ESRRG: variants seen among roughly 807,000 people sequenced by gnomAD.
ESRRG encodes the protein estrogen-related receptor gamma.
A neutral mutation model predicts 44.0 loss-of-function variants in ESRRG; 13 were observed. That is an observed-to-expected ratio of 0.30 (90% CI 0.19 to 0.47). ESRRG has a LOEUF of 0.47. Among genes scored for constraint, ESRRG ranks in the 20% least tolerant of loss-of-function variants. The probability of loss-of-function intolerance (pLI) is 1.00; values close to 1 mark genes in which losing one functional copy is unlikely to be tolerated. For synonymous variants in ESRRG, 215 were observed against 214.6 expected (o/e 1.00, Z -0.02); for missense variants, 395 against 580.6 (o/e 0.68, Z 3.29).
chr1:216,878,123 C>A (rs796892797), intron 2 of ESRRG, among the ~76,000 whole-genome samples: 26 of 152,232 alleles, frequency 1.7e-4, no homozygotes, highest in African/African-American at 5.8e-4. Context: ...TTTATAATAC[C>A]TATTTCTAAT....
At chr1:217,104,456 C>T (rs538217448) in intron 1 of ESRRG, among the ~76,000 whole-genome samples, 22 of 152,342 alleles carry the variant, frequency 1.4e-4, no homozygotes, top group Middle Eastern at 3.4e-3. Context: ...ACTCACCAGC[C>T]GAGTGGCCTT....
chr1:216,904,945 T>G (rs1334341623), intron 2 of ESRRG, among the ~76,000 whole-genome samples: 1 of 152,178 alleles, frequency 6.6e-6, no homozygotes, highest in Admixed American at 6.5e-5. Context: ...CCAGTGCAGA[T>G]AGGGCAGCCT....
chr1:217,084,728 AT>A (rs1202123176), intron 1 of ESRRG, among the ~76,000 whole-genome samples: 3 of 152,180 alleles, frequency 2.0e-5, no homozygotes, highest in Admixed American at 1.3e-4. Context: ...TGTCCAGGTT[AT>A]TTATTTTAGC....
chr1:217,127,098 C>A (rs1010256484), intron 1 of ESRRG, among the ~76,000 whole-genome samples: 1 of 152,068 alleles, frequency 6.6e-6, no homozygotes, highest in African/African-American at 2.4e-5. Flanking sequence ...TGATTTATAT[C>A]CATTTGCTTT....
At chr1:216,899,633 G>T (rs1263999770) in intron 2 of ESRRG, among the ~76,000 whole-genome samples, 1 of 152,180 alleles carries the variant, frequency 6.6e-6, no homozygotes, top group Non-Finnish European at 1.5e-5. Context: ...GGCAGTTATA[G>T]GGGCTCTGCA....
chr1:216,717,309 G>C (rs1377735804), intron 1 of ESRRG, among the ~76,000 whole-genome samples: 1 of 151,860 alleles, frequency 6.6e-6, no homozygotes, highest in African/African-American at 2.4e-5. Flanking sequence ...AGAAAAAGTA[G>C]AGTGGAGAGA....
At chr1:216,783,874 T>G (rs1260150151) in intron 2 of ESRRG, among the ~76,000 whole-genome samples, 1 of 152,084 alleles carries the variant, frequency 6.6e-6, no homozygotes, top group Non-Finnish European at 1.5e-5. Flanking sequence ...CAAAATCTCT[T>G]GCACCCTCTC....
intron 1 of ESRRG, among the ~76,000 whole-genome samples, chr1:217,109,395 A>C (rs1580599013): frequency 6.6e-6 from 1 of 152,114 alleles, no homozygotes; most frequent in East Asian, 1.9e-4. Context: ...AGATCCAGAA[A>C]GCATCTTTAG....
intron 3 of ESRRG, among the ~76,000 whole-genome samples, chr1:216,625,970 GT>G (rs1439702898): frequency 6.6e-6 from 1 of 151,992 alleles, no homozygotes; most frequent in Non-Finnish European, 1.5e-5. Flanking sequence ...CCCTCTGTCT[GT>G]TTTTCTTCCC....
At chr1:216,654,784 G>C (rs565578534) in intron 2 of ESRRG, among the ~76,000 whole-genome samples, 31 of 152,020 alleles carry the variant, frequency 2.0e-4, no homozygotes, top group African/African-American at 7.5e-4. Flanking sequence ...AATCATAAAG[G>C]AAATTATATG....
intron 2 of ESRRG, among the ~76,000 whole-genome samples, chr1:216,887,874 T>C (rs2057244317): frequency 6.6e-6 from 1 of 152,222 alleles, no homozygotes; most frequent in South Asian, 2.1e-4. Flanking sequence ...TTAAAAATGT[T>C]AGTTTTCAGT....
chr1:216,537,405 G>C (rs778060527), intron 5 of ESRRG, among the ~76,000 whole-genome samples: 2 of 151,918 alleles, frequency 1.3e-5, no homozygotes, highest in Non-Finnish European at 2.9e-5. Flanking sequence ...TATTTTTGTC[G>C]TAACAGCCCA....
At chr1:216,775,840 C>T (rs2093593456) in intron 2 of ESRRG, among the ~76,000 whole-genome samples, 1 of 152,074 alleles carries the variant, frequency 6.6e-6, no homozygotes, top group South Asian at 2.1e-4. Flanking sequence ...GCTGGGGTTA[C>T]AGATGTCAGC....
chr1:216,930,001 C>T (rs2063125803), intron 2 of ESRRG, among the ~76,000 whole-genome samples: 1 of 152,144 alleles, frequency 6.6e-6, no homozygotes, highest in Non-Finnish European at 1.5e-5. Context: ...TAGTCACCAC[C>T]TGATTTCATT....
intron 1 of ESRRG, among the ~76,000 whole-genome samples, chr1:217,080,609 G>C (rs1034764302): frequency 6.6e-6 from 1 of 151,638 alleles, no homozygotes; most frequent in Non-Finnish European, 1.5e-5. Context: ...TTGATTTCTG[G>C]GTCCACTCCA....
At chr1:216,849,457 C>T (rs1323958091) in intron 2 of ESRRG, among the ~76,000 whole-genome samples, 1 of 152,124 alleles carries the variant, frequency 6.6e-6, no homozygotes, top group African/African-American at 2.4e-5. Context: ...CATTCAAAAA[C>T]TATGTAAGGC....
intron 1 of ESRRG, among the ~76,000 whole-genome samples, chr1:216,977,373 T>C (rs2818774): frequency 0.5 from 71,700 of 144,792 alleles, 18,707 homozygotes; most frequent in East Asian, 0.72. Context: ...CACACACACA[T>C]ATACATATAG....
chr1:216,938,872 T>C (rs940842213), intron 2 of ESRRG, among the ~76,000 whole-genome samples: 1 of 152,190 alleles, frequency 6.6e-6, no homozygotes, highest in African/African-American at 2.4e-5. Context: ...CTTTACATGC[T>C]ATGATCCTCG....
chr1:216,634,643 T>C (rs929324466), intron 3 of ESRRG, among the ~76,000 whole-genome samples: 2 of 152,140 alleles, frequency 1.3e-5, no homozygotes, highest in African/African-American at 4.8e-5. Flanking sequence ...GCAGAATAGC[T>C]GGACAGGCAG....
Sources: allele counts gnomAD v4.1 joint callset (sites outside exome capture counted in the v4.1 genomes callset), GRCh38; gene constraint gnomAD v4.1.1; transcripts MANE v1.5; gene names NCBI Gene and HGNC (gene_info 2026-07-23, HGNC 2026-07-21).